PCLO: variants seen among roughly 807,000 people sequenced by gnomAD.
PCLO encodes the protein protein piccolo.
A neutral mutation model predicts 427.5 loss-of-function variants in PCLO; 82 were observed. The ratio of observed to expected loss-of-function variants is 0.19; its 90% CI spans 0.16 to 0.23. PCLO has a LOEUF of 0.23. PCLO is among the 10% of genes least tolerant of loss of function. PCLO has a pLI of 1.00. For synonymous variants in PCLO, 2,357 were observed against 2,155.4 expected, an observed-to-expected ratio of 1.09 and a Z score of -2.59; for missense variants, 6,239 against 6,115.9, an observed-to-expected ratio of 1.02 and a Z score of -0.67.
At chr7:83,156,834 A>G (rs775676407) in intron 1 of PCLO, among the ~76,000 whole-genome samples, 10 of 152,056 alleles carry the variant, frequency 6.6e-5, no homozygotes, top group Non-Finnish European at 1.2e-4. Context: ...TGGTCTTTTG[A>G]TATAAGAAAG....
intron 9 of PCLO, among the ~76,000 whole-genome samples, chr7:82,897,644 C>A (rs1793938316): frequency 6.6e-6 from 1 of 151,382 alleles, no homozygotes; most frequent in East Asian, 1.9e-4. Context: ...GTTGTGTTCA[C>A]TCTATTAATC....
intron 1 of PCLO, among the ~76,000 whole-genome samples, chr7:83,160,708 AAAT>A (rs1170796270): frequency 6.6e-6 from 1 of 152,146 alleles, no homozygotes; most frequent in African/African-American, 2.4e-5. Flanking sequence ...TTATAGGTGG[AAAT>A]AATGTTTCTC....
intron 14 of PCLO, among the ~76,000 whole-genome samples, chr7:82,840,324 G>A (rs776609534): frequency 1.3e-5 from 2 of 151,822 alleles, no homozygotes; most frequent in Non-Finnish European, 2.9e-5. Context: ...CCATTTCCAC[G>A]CTCACACTCC....
At chr7:82,814,847 C>T (rs1272520539) in intron 20 of PCLO, among the ~76,000 whole-genome samples, 5 of 151,968 alleles carry the variant, frequency 3.3e-5, no homozygotes, top group South Asian at 4.2e-4. Context: ...GGACATCCCC[C>T]GCCCCTACCA....
chr7:83,130,093 C>T (rs1193120112), intron 3 of PCLO, among the ~76,000 whole-genome samples: 1 of 151,360 alleles, frequency 6.6e-6, no homozygotes, highest in Non-Finnish European at 1.5e-5. Context: ...GCCATGGGTG[C>T]CAGAAATTTT....
chr7:82,972,783 GT>G (rs890817666), intron 3 of PCLO, among the ~76,000 whole-genome samples: 7 of 151,888 alleles, frequency 4.6e-5, no homozygotes, highest in Non-Finnish European at 1.0e-4. Flanking sequence ...TTTTACACTG[GT>G]TTTCGTTTAT....
At chr7:82,893,790 C>T (rs1295325700) in intron 9 of PCLO, among the ~76,000 whole-genome samples, 12 of 151,814 alleles carry the variant, frequency 7.9e-5, no homozygotes, top group Admixed American at 7.9e-4. Context: ...ATTGTTGTTT[C>T]TTTCAGTCTG....
intron 3 of PCLO, among the ~76,000 whole-genome samples, chr7:82,988,760 G>A (rs1305739124): frequency 1.3e-5 from 2 of 151,946 alleles, no homozygotes; most frequent in East Asian, 1.9e-4. Flanking sequence ...TTATTTGATT[G>A]AGTCAGGGTT....
At chr7:83,152,133 T>A (rs895790808) in intron 2 of PCLO, among the ~76,000 whole-genome samples, 3 of 150,886 alleles carry the variant, frequency 2.0e-5, no homozygotes, top group African/African-American at 7.3e-5. Context: ...CCCGGCTAAT[T>A]TTTTGTATTT....
At position 83,038,187 on chromosome 7, in the gene PCLO, C is replaced by T. The variant is rs1788879285; in HGVS notation, c.3301-71700G>A. ...TGTATATACACACATACATATAACACATATCCATACACACACATATATGTG... is the reference window on the plus strand; with the variant it reads ...TGTATATACACACATACATATAACATATATCCATACACACACATATATGTG... On this transcript the variant is annotated intron_variant, in intron 3 of 24. Coordinates refer to ENST00000333891, the MANE Select transcript of PCLO (RefSeq NM_033026.6). 2.2e-5 allele frequency among the ~76,000 whole-genome samples: 3 copies of T among 134,908 alleles called. No homozygotes were observed. In the Admixed American group the frequency reaches 2.6e-4, roughly 12 times the overall value. 88.5% of individuals were successfully genotyped at this position (134,908 alleles called of 152,430 possible).
chr7:82,829,958 A>G (rs1037015256), intron 16 of PCLO, among the ~76,000 whole-genome samples: 1 of 152,052 alleles, frequency 6.6e-6, no homozygotes, highest in African/African-American at 2.4e-5. Flanking sequence ...AGTTTTGATC[A>G]AAAACTTAAT....
intron 6 of PCLO, among the ~76,000 whole-genome samples, chr7:82,948,691 A>G (rs563860816): frequency 1.3e-5 from 2 of 152,222 alleles, no homozygotes; most frequent in African/African-American, 4.8e-5. Context: ...TCTCTGTTAT[A>G]GAGATCTTCA....
At chr7:83,113,201 C>A (rs973083229) in intron 3 of PCLO, among the ~76,000 whole-genome samples, 1 of 152,228 alleles carries the variant, frequency 6.6e-6, no homozygotes, top group African/African-American at 2.4e-5. Flanking sequence ...TGAAGAAAGC[C>A]ATAAGAGGTT....
At chr7:82,762,966 G>A (rs949053924) in intron 22 of PCLO, among the ~76,000 whole-genome samples, 7 of 151,886 alleles carry the variant, frequency 4.6e-5, no homozygotes, top group African/African-American at 1.7e-4. Context: ...TTAGAGATAG[G>A]GTCTCACTCT....
intron 22 of PCLO, among the ~76,000 whole-genome samples, chr7:82,790,732 A>G (rs1020333908): frequency 2.8e-4 from 42 of 152,236 alleles, no homozygotes; most frequent in African/African-American, 9.6e-4. Flanking sequence ...AGAGAAGCAC[A>G]GTCAATATAA....
In PCLO at chr7:82,950,734, G is replaced by A. The variant is rs2116422974; in HGVS notation, c.9854C>T (p.Thr3285Met). The change falls in exon 6 of 25, where the codon ACG (threonine) becomes ATG (methionine). Residue 3285 changes from threonine to methionine, a missense_variant. Coordinates refer to ENST00000333891, the MANE Select transcript of PCLO (RefSeq NM_033026.6). ...RQAQFMMRQE[T>M]LAQQQLQLEQ... ...AAGCTGTAACTGTTGCTGAGCTAAC[G>A]TCTCCTGCCTCATCATGAACTGGGC... 1.2e-6 allele frequency: 2 copies of A among 1,613,784 alleles called. No individual in the cohort carries two copies. The highest frequency in any genetic ancestry group is 8.5e-7 in the Non-Finnish European group (1 of 1,179,828).
chr7:83,096,178 T>C (rs1790532851), intron 3 of PCLO, among the ~76,000 whole-genome samples: 1 of 152,118 alleles, frequency 6.6e-6, no homozygotes, highest in Admixed American at 6.6e-5. Flanking sequence ...TTCTAACGTG[T>C]TCTTCACACT....
intron 22 of PCLO, among the ~76,000 whole-genome samples, chr7:82,771,518 A>G (rs936247822): frequency 3.9e-5 from 6 of 152,062 alleles, no homozygotes; most frequent in Non-Finnish European, 7.4e-5. Flanking sequence ...GACAAATACC[A>G]GTTGAATCAC....
In PCLO at chr7:82,758,703, A is replaced by T. The variant is rs763598385; in HGVS notation, c.15301T>A (p.Ser5101Thr). The change falls in exon 25 of 25, where the codon TCC becomes ACC. Residue 5101 changes from serine (S) to threonine (T), a missense_variant. This residue lies in a region of PCLO where 877 missense variants were observed against 925.5 expected (regional missense o/e 0.95). Coordinates refer to ENST00000333891, the MANE Select transcript of PCLO (RefSeq NM_033026.6). ...AGHSLQILLF[S>T]NGGKFMKKTL... ...TTTTTCATAAACTTCCCTCCATTGG[A>T]GAAAAGTAAAATCTAGAAAAAATAG... 1 of 1,596,730 alleles carries T rather than the reference A, an allele frequency of 6.3e-7. No homozygotes were observed. Among genetic ancestry groups the T allele is most frequent in the South Asian group, 1.1e-5 (1 of 90,038 alleles).
Sources: allele counts gnomAD v4.1 joint callset (sites outside exome capture counted in the v4.1 genomes callset), GRCh38; gene constraint gnomAD v4.1.1; regional missense constraint gnomAD v4.1.1; transcripts MANE v1.5; gene names NCBI Gene and HGNC (gene_info 2026-07-23, HGNC 2026-07-21).